KIRREL3: variants seen among roughly 807,000 people sequenced by gnomAD.
KIRREL3 encodes kin of IRRE-like protein 3.
KIRREL3 carries 36 observed loss-of-function variants against 89.7 expected under a neutral mutation model. The ratio of observed to expected loss-of-function variants is 0.40; its 90% CI spans 0.31 to 0.53. The LOEUF (loss-of-function observed/expected upper bound fraction) is 0.53, where lower values mean the gene tolerates loss of function less well. Among genes scored for constraint, KIRREL3 ranks in the 20% least tolerant of loss-of-function variants. KIRREL3 has a pLI of 0.49. For missense variants in KIRREL3, 864 were observed against 1,056.6 expected, an observed-to-expected ratio of 0.82 and a Z score of 2.53; for synonymous variants, 445 against 441.4, an observed-to-expected ratio of 1.01 and a Z score of -0.10.
chr11:126,814,199 A>C lies in KIRREL3; in HGVS notation c.55+186256T>G, dbSNP rs1375690727. ...TTAGATAAATGCAAATAAAAACCAC[A>C]ATGACATACCATCTCATGCCAGGCA... On this transcript the variant is annotated intron_variant, in intron 1 of 16. Transcript: ENST00000525144. The surrounding 1 kb of genome is among the most constrained non-coding windows in gnomAD (Gnocchi z 4.4). Among the ~76,000 whole-genome samples, 1 of 152,220 alleles carries C rather than the reference A, an allele frequency of 6.6e-6. No individual in the cohort carries two copies. Among genetic ancestry groups the C allele is most frequent in the African/African-American group, 2.4e-5 (1 of 41,452 alleles).
intron 1 of KIRREL3, among the ~76,000 whole-genome samples, chr11:126,765,919 T>TC (rs1949810074): frequency 6.6e-6 from 1 of 151,720 alleles, no homozygotes; most frequent in African/African-American, 2.4e-5. Flanking sequence ...GCCCCTCCCT[T>TC]CCCCCCATAA....
rs1398717792 is a variant in KIRREL3, at chr11:126,653,132, C to T, written c.56-90220G>A. ...TTGTCTTGTGAGGAATATATGTACA[C>T]AACTGAAAAGTTAAGTAAACAAGAG... is the stretch of plus-strand genomic sequence containing the variant. On this transcript the variant is annotated intron_variant, in intron 1 of 16. Coordinates refer to ENST00000525144, the MANE Select transcript of KIRREL3 (RefSeq NM_032531.4). This position sits in a 1 kb window ranked among gnomAD's most constrained non-coding sequence, Gnocchi z 5.4. Among the ~76,000 whole-genome samples the T allele has an allele frequency of 6.6e-6, 1 of 152,192 alleles. No homozygotes were observed. Among genetic ancestry groups the T allele is most frequent in the Admixed American group, 6.5e-5 (1 of 15,286 alleles).
rs1951173791 is a variant in KIRREL3 at position 126,805,440 on chromosome 11, C to CA, written c.55+195014dup. On this transcript the variant is annotated intron_variant, in intron 1 of 16. Coordinates refer to ENST00000525144, the MANE Select transcript of KIRREL3 (RefSeq NM_032531.4). The surrounding 1 kb of genome is among the most constrained non-coding windows in gnomAD (Gnocchi z 4.3). ...TAGTGCACCTCTTTAGACAGTTTCCCACACAAGCCTCAGCCCATCTCATCT... is the reference window on the plus strand; with the variant it reads ...TAGTGCACCTCTTTAGACAGTTTCCCAACACAAGCCTCAGCCCATCTCATCT... Among the ~76,000 whole-genome samples the CA allele has an allele frequency of 6.6e-6, 1 of 152,186 alleles. No individual in the cohort carries two copies. Among genetic ancestry groups the CA allele is most frequent in the Non-Finnish European group, 1.5e-5 (1 of 68,034 alleles).
At chr11:126,440,588 G>A (rs1413902274) in intron 10 of KIRREL3, 39 bp from the exon 11 acceptor site, 1 of 1,528,412 alleles carries the variant, frequency 6.5e-7, no homozygotes. Flanking sequence ...CCCGGGAAGG[G>A]CACGTCCCTG....
At position 126,697,030 on chromosome 11, in the gene KIRREL3, C is replaced by T. The variant is rs1348819939; in HGVS notation, c.56-134118G>A. Among the ~76,000 whole-genome samples the T allele has an allele frequency of 6.6e-6, 1 of 152,182 alleles. No homozygotes were observed. Among genetic ancestry groups the T allele is most frequent in the Non-Finnish European group, 1.5e-5 (1 of 68,032 alleles). ...GTGTCATCTCCTTCCTTTCCAGCCT[C>T]TGCCTGCACAAACCCACTGTTCTTT... On this transcript the variant is annotated intron_variant, in intron 1 of 16. Transcript: ENST00000525144. The surrounding 1 kb of genome is among the most constrained non-coding windows in gnomAD (Gnocchi z 4.2).
rs538162975 is a variant in KIRREL3, at chr11:126,486,686, G to C, written c.434-13220C>G. ...GCCTTATTTCATAGGTGGGTAAACT[G>C]AGGCATAGGCTGGCCAAAACATTTG... is the stretch of plus-strand genomic sequence containing the variant. On this transcript the variant is annotated intron_variant, in intron 4 of 16. Transcript: ENST00000525144. The surrounding 1 kb of genome is among the most constrained non-coding windows in gnomAD (Gnocchi z 6.2). Among the ~76,000 whole-genome samples the C allele has an allele frequency of 3.0e-4, 46 of 152,314 alleles. No individual in the cohort carries two copies. The highest frequency in any genetic ancestry group is 1.1e-3 in the African/African-American group (46 of 41,570).
chr11:126,950,267 T>C (rs998070136), intron 1 of KIRREL3, among the ~76,000 whole-genome samples: 7 of 152,150 alleles, frequency 4.6e-5, no homozygotes, highest in African/African-American at 1.2e-4. Context: ...CTCAGGAGGC[T>C]GAGGCAGGAG....
chr11:126,779,863 C>A (rs1950274392), intron 1 of KIRREL3, among the ~76,000 whole-genome samples: 1 of 152,050 alleles, frequency 6.6e-6, no homozygotes, highest in African/African-American at 2.4e-5. Flanking sequence ...GTCTTAGGAT[C>A]AAGCAGAATC....
chr11:126,857,004 T>C (rs1207691268), intron 1 of KIRREL3, among the ~76,000 whole-genome samples: 1 of 152,236 alleles, frequency 6.6e-6, no homozygotes, highest in Non-Finnish European at 1.5e-5. Context: ...TGAGTGGAAC[T>C]GTCTCCTGAA....
chr11:126,924,383 C>T lies in KIRREL3; in HGVS notation c.55+76072G>A, dbSNP rs189584367. On this transcript the variant is annotated intron_variant, in intron 1 of 16. Transcript: ENST00000525144. This position sits in a 1 kb window ranked among gnomAD's most constrained non-coding sequence, Gnocchi z 4.7. ...TGTCTCCCAGCACCTAGCATAACAC[C>T]AGGTCCTTATAAGTACTCAAAAAAT... Among the ~76,000 whole-genome samples, 5 of 152,254 alleles carry T rather than the reference C, an allele frequency of 3.3e-5. No individual in the cohort carries two copies. The East Asian group carries it at 9.7e-4, about 29-fold the overall frequency.
intron 10 of KIRREL3, among the ~76,000 whole-genome samples, chr11:126,442,008 C>T (rs1378647292): frequency 6.6e-6 from 1 of 152,062 alleles, no homozygotes; most frequent in Non-Finnish European, 1.5e-5. Flanking sequence ...TGCGGTGGCT[C>T]ACACCTAGAA....
rs1444454159 is a variant in KIRREL3, at chr11:126,607,520, C to T, written c.56-44608G>A. Among the ~76,000 whole-genome samples the T allele has an allele frequency of 6.6e-6, 1 of 152,172 alleles. No individual in the cohort carries two copies. The highest frequency in any genetic ancestry group is 1.5e-5 in the Non-Finnish European group (1 of 68,034). ...TGGGGCTGTCCCTCAGGAGCAGGAA[C>T]TGGGCTCCCGCTGGAGAGAAGCAGC... On this transcript the variant is annotated intron_variant, in intron 1 of 16. Coordinates refer to ENST00000525144, the MANE Select transcript of KIRREL3 (RefSeq NM_032531.4). This position sits in a 1 kb window ranked among gnomAD's most constrained non-coding sequence, Gnocchi z 6.6.
intron 1 of KIRREL3, among the ~76,000 whole-genome samples, chr11:126,984,544 G>A (rs2135257612): frequency 6.6e-6 from 1 of 152,310 alleles, no homozygotes; most frequent in South Asian, 2.1e-4. Flanking sequence ...ACTGGCTGCT[G>A]CCAGGTGCTA....
rs1469112653 is a variant in KIRREL3, at chr11:126,896,212, CTG to C, written c.55+104241_55+104242del. 4.6e-5 allele frequency among the ~76,000 whole-genome samples: 7 copies of C among 152,370 alleles called. No individual in the cohort carries two copies. In the Middle Eastern group the frequency reaches 0.014, roughly 296 times the overall value. On this transcript the variant is annotated intron_variant, in intron 1 of 16. Coordinates refer to ENST00000525144, the MANE Select transcript of KIRREL3 (RefSeq NM_032531.4). The surrounding 1 kb of genome is among the most constrained non-coding windows in gnomAD (Gnocchi z 4.1). ...CAGAGAGAAGTCATTCTCCAGGACTCTGTGAGTTCTCTAATCCACTGCTAGGC... is the reference window on the plus strand; with the variant it reads ...CAGAGAGAAGTCATTCTCCAGGACTCTGAGTTCTCTAATCCACTGCTAGGC...
chr11:126,645,069 T>G lies in KIRREL3; in HGVS notation c.56-82157A>C, dbSNP rs895936510. On this transcript the variant is annotated intron_variant, in intron 1 of 16. Transcript: ENST00000525144. The surrounding 1 kb of genome is among the most constrained non-coding windows in gnomAD (Gnocchi z 4.9). ...AGGAGCATTTCAGTCAATGGGAGAG[T>G]GGATAAATGAGCAGAGGTGAAGTGA... Among the ~76,000 whole-genome samples the G allele has an allele frequency of 2.0e-5, 3 of 150,840 alleles. No homozygotes were observed. The highest frequency in any genetic ancestry group is 3.0e-5 in the Non-Finnish European group (2 of 67,744).
chr11:126,567,896 A>C (rs1414989359), intron 1 of KIRREL3, among the ~76,000 whole-genome samples: 1 of 152,024 alleles, frequency 6.6e-6, no homozygotes, highest in Non-Finnish European at 1.5e-5. Context: ...AGCCTCTGCT[A>C]CCTCACCATT....
At chr11:126,810,043 A>G (rs573518111) in intron 1 of KIRREL3, among the ~76,000 whole-genome samples, 65 of 152,168 alleles carry the variant, frequency 4.3e-4, no homozygotes, top group Middle Eastern at 3.4e-3. Context: ...TGATGGCCCA[A>G]TTTGGTTTGG....
At chr11:126,613,306 T>C (rs1479859670) in intron 1 of KIRREL3, among the ~76,000 whole-genome samples, 2 of 152,218 alleles carry the variant, frequency 1.3e-5, no homozygotes, top group East Asian at 3.8e-4. Context: ...TAAGGTTAGA[T>C]GATTTTCTCC....
chr11:126,523,510 A>T lies in KIRREL3; in HGVS notation c.284-2046T>A, dbSNP rs1421522868. 1.3e-5 allele frequency among the ~76,000 whole-genome samples: 2 copies of T among 152,124 alleles called. No homozygotes were observed. The highest frequency in any genetic ancestry group is 2.9e-5 in the Non-Finnish European group (2 of 68,018). On this transcript the variant is annotated intron_variant, in intron 3 of 16. Coordinates refer to ENST00000525144, the MANE Select transcript of KIRREL3 (RefSeq NM_032531.4). This position sits in a 1 kb window ranked among gnomAD's most constrained non-coding sequence, Gnocchi z 4.9. ...TGGCTACCATCCTCATCATGCAATA[A>T]AATGGCCCTGTCCTCCCCAGCTGTG... is the stretch of plus-strand genomic sequence containing the variant.
Sources: allele counts gnomAD v4.1 joint callset (sites outside exome capture counted in the v4.1 genomes callset), GRCh38; gene constraint gnomAD v4.1.1; non-coding constraint Gnocchi (gnomAD v3.1); transcripts MANE v1.5; gene names NCBI Gene and HGNC (gene_info 2026-07-23, HGNC 2026-07-21).